The following HTATSF1 variants were observed in gnomAD, a reference collection of about 807,000 sequenced individuals.
HTATSF1 encodes the protein HIV-1 Tat specific factor 1.
HTATSF1 carries 6 observed loss-of-function variants against 46.1 expected under a neutral mutation model. That is an observed-to-expected ratio of 0.13 (90% CI 0.07 to 0.26). HTATSF1 has a LOEUF of 0.26. Among genes scored for constraint, HTATSF1 ranks in the 10% least tolerant of loss-of-function variants. The pLI, the probability that HTATSF1 is intolerant of heterozygous loss-of-function variation, is 1.00. For synonymous variants in HTATSF1, 226 were observed against 211.5 expected, an observed-to-expected ratio of 1.07 and a Z score of -0.60; for missense variants, 452 against 559.9, an observed-to-expected ratio of 0.81 and a Z score of 1.94.
Position 136,510,984 on chromosome X carries a change from T to C in HTATSF1, c.1239T>C (p.Ala413=). The C allele has an allele frequency of 8.3e-7, 1 of 1,211,379 alleles. No homozygotes were observed. Among genetic ancestry groups the C allele is most frequent in the Non-Finnish European group, 1.1e-6 (1 of 895,319 alleles). Residue 413 remains alanine (A), a synonymous_variant, in exon 9 of 9, where the codon GCT becomes GCC. Transcript: ENST00000218364. ...SEHPSTSKMN[A]QETATGMAFE... Reference sequence around the variant, plus strand: ...ACCCCAGCACATCTAAAATGAATGCTCAAGAAACTGCAACTGGAATGGCGT... The same window carrying C: ...ACCCCAGCACATCTAAAATGAATGCCCAAGAAACTGCAACTGGAATGGCGT...
chrX:136,505,593 T>TGC (rs939606817), intron 6 of HTATSF1, among the ~76,000 whole-genome samples: 24 of 112,273 alleles, frequency 2.1e-4, no homozygotes, highest in African/African-American at 7.8e-4. Context: ...TTTGAAATAC[T>TGC]GTTTTTGCCA....
chrX:136,512,093 G>T lies in HTATSF1; in HGVS notation c.*80G>T. On this transcript the variant is annotated 3_prime_UTR_variant, in exon 9 of 9. Coordinates refer to ENST00000218364, the MANE Select transcript of HTATSF1 (RefSeq NM_014500.5). Reference sequence around the variant, plus strand: ...AGGGTAATTACTAGTAGTGTTACATGAACATGTGCATAGTGGTAGGATGCC... The same window carrying T: ...AGGGTAATTACTAGTAGTGTTACATTAACATGTGCATAGTGGTAGGATGCC... 1.0e-6 allele frequency: 1 copy of T among 1,004,475 alleles called. No homozygotes were observed. The highest frequency in any genetic ancestry group is 2.3e-5 in the South Asian group (1 of 43,179). The allele number at this position is 1,004,475 out of a possible 1,213,427, so 82.8% of individuals were successfully genotyped here. A position where few individuals can be genotyped will look rare whatever the true frequency, so the allele number is the denominator to read the frequency against.
rs1773818405 is a variant in HTATSF1, at chrX:136,511,423, G to C, written c.1678G>C (p.Gly560Arg). The change falls in exon 9 of 9, where the codon GGC becomes CGC. Residue 560 changes from glycine to arginine, a missense_variant. Gly to Arg is a moderately radical substitution (Grantham distance 125). Coordinates refer to ENST00000218364, the MANE Select transcript of HTATSF1 (RefSeq NM_014500.5). ...CTGCTCTGAAAAACAGTCTGAAGAT[G>C]GCTCCGAAAGAGAATTTGAAGAAAA... ...EDCSEKQSED[G>R]SEREFEENGL... 8.3e-7 allele frequency: 1 copy of C among 1,209,317 alleles called. No individual in the cohort carries two copies. Among genetic ancestry groups the C allele is most frequent in the South Asian group, 1.8e-5 (1 of 56,616 alleles).
At position 136,512,058 on chromosome X, in the gene HTATSF1, C is replaced by G; in HGVS notation, c.*45C>G. 1 of 1,145,927 alleles carries G rather than the reference C, an allele frequency of 8.7e-7. No homozygotes were observed. Among genetic ancestry groups the G allele is most frequent in the Non-Finnish European group, 1.2e-6 (1 of 858,472 alleles). 94.4% of individuals were successfully genotyped at this position (1,145,927 alleles called of 1,213,427 possible). A position where few individuals can be genotyped will look rare whatever the true frequency, so the allele number is the denominator to read the frequency against. The stretch of plus-strand genomic sequence containing the variant: ...AGGGAGAGTCCTCCATCTACATTTG[C>G]CTGTGCTTCAGGGTAATTACTAGTA... On this transcript the variant is annotated 3_prime_UTR_variant, in exon 9 of 9. Transcript: ENST00000218364.
rs2075711490 is a variant in HTATSF1, at chrX:136,500,140, A to C, written c.368-18A>C. ...TTTTTGCAAGTGTTTTATTTATTTA[A>C]TTAATTTTGATTTCTAGGATGGTTT... On this transcript the variant is annotated intron_variant, in intron 2 of 8. Coordinates refer to ENST00000218364, the MANE Select transcript of HTATSF1 (RefSeq NM_014500.5). The C allele has an allele frequency of 1.3e-5, 13 of 983,282 alleles. No homozygotes were observed. The highest frequency in any genetic ancestry group is 1.9e-5 in the Non-Finnish European group (13 of 692,407). 81.0% of individuals were successfully genotyped at this position (983,282 alleles called of 1,213,427 possible). A position where few individuals can be genotyped will look rare whatever the true frequency, so the allele number is the denominator to read the frequency against.
chrX:136,510,560 A>G (rs894035283), intron 8 of HTATSF1, among the ~76,000 whole-genome samples: 1 of 112,432 alleles, frequency 8.9e-6, no homozygotes, highest in Admixed American at 9.4e-5. Context: ...GAGCTCAAAT[A>G]TTAACTTTTT....
chrX:136,500,262 T>C (rs1271181985), intron 3 of HTATSF1, 57 bp downstream of exon 3: 22 of 771,955 alleles, frequency 2.8e-5, no homozygotes, highest in Non-Finnish European at 4.3e-5. Flanking sequence ...TTGAGATTTT[T>C]CACGAAGTGA....
chrX:136,502,908 A>G lies in HTATSF1; in HGVS notation c.701A>G (p.Lys234Arg), dbSNP rs759865596. The G allele has an allele frequency of 2.6e-6, 3 of 1,134,047 alleles. No homozygotes were observed. In the African/African-American group the frequency reaches 5.5e-5, roughly 21 times the overall value. The allele number at this position is 1,134,047 out of a possible 1,213,427, so 93.5% of individuals were successfully genotyped here. A position where few individuals can be genotyped will look rare whatever the true frequency, so the allele number is the denominator to read the frequency against. ...YDASKKKKKC[K>R]DYKKKLSMQQ... ...GCCTCAAAGAAGAAGAAGAAGTGCA[A>G]AGACTATAAGAAGAAGCTGTCTATG... Residue 234 changes from lysine to arginine, a missense_variant, in exon 5 of 9, where the codon AAA (lysine) becomes AGA (arginine). This residue lies in a region of HTATSF1 where 117 missense variants were observed against 222.2 expected (regional missense o/e 0.53). Transcript: ENST00000218364.
chrX:136,511,364 A>G lies in HTATSF1; in HGVS notation c.1619A>G (p.Glu540Gly). Residue 540 changes from glutamate (E) to glycine (G), a missense_variant, in exon 9 of 9, where the codon GAA becomes GGA. Physicochemically the swap from Glu to Gly is moderately conservative, Grantham distance 98 (BLOSUM62 -2). Around this residue, in one of 3 missense-constraint regions of HTATSF1, gnomAD observed 246 missense variants for 245.3 expected, o/e 1.00. Transcript: ENST00000218364. ...EEEVGPTKES[E>G]EDDSEKESDE... ...GAGGTTGGCCCCACAAAAGAGTCCG[A>G]AGAAGATGACTCAGAGAAAGAGTCT... The G allele has an allele frequency of 8.3e-7, 1 of 1,209,819 alleles. No homozygotes were observed.
chrX:136,497,765 T>C lies in HTATSF1; in HGVS notation c.81T>C (p.Asp27=). 5 of 1,205,099 alleles carry C rather than the reference T, an allele frequency of 4.1e-6. No homozygotes were observed. Among genetic ancestry groups the C allele is most frequent in the Non-Finnish European group, 5.6e-6 (5 of 890,499 alleles). The change falls in exon 1 of 9, where the codon GAT becomes GAC. Residue 27 remains aspartate (D), a synonymous_variant. Coordinates refer to ENST00000218364, the MANE Select transcript of HTATSF1 (RefSeq NM_014500.5). ...RMQELYGDGK[D]GDTQTDAGGE... ...AAGAATTGTACGGAGACGGCAAGGA[T>C]GGTGACACCCAGACCGATGCCGGCG...
chrX:136,510,033 A>G (rs2075759949), intron 7 of HTATSF1, 49 bp from the exon 8 acceptor site: 1 of 1,135,644 alleles, frequency 8.8e-7, no homozygotes, highest in Non-Finnish European at 1.2e-6. Flanking sequence ...TATGTGTTTT[A>G]TTTTTAATCT....
Position 136,510,183 on chromosome X carries a change from C to T in HTATSF1, c.1026C>T (p.Ile342=). ...GAAGATGGTTTGGTGGCCGTCAAAT[C>T]ACTGCCCAGGCATGGGATGGGACTA... ...LDGRWFGGRQ[I]TAQAWDGTTD... Residue 342 remains isoleucine (I), a synonymous_variant, in exon 8 of 9, where the codon ATC becomes ATT. Coordinates refer to ENST00000218364, the MANE Select transcript of HTATSF1 (RefSeq NM_014500.5). 8.3e-7 allele frequency: 1 copy of T among 1,211,148 alleles called. No individual in the cohort carries two copies.
intron 6 of HTATSF1, among the ~76,000 whole-genome samples, chrX:136,507,248 C>T (rs2075746203): frequency 9.0e-6 from 1 of 111,674 alleles, no homozygotes; most frequent in Non-Finnish European, 1.9e-5. Context: ...ATTTTGATTC[C>T]AAACAGTTAG....
chrX:136,499,515 G>T, intron 1 of HTATSF1, 83 bp from the exon 2 acceptor site: 1 of 721,395 alleles, frequency 1.4e-6, no homozygotes, highest in African/African-American at 2.2e-5. Context: ...GTATAACTAT[G>T]CTGTAAAAAC....
At chrX:136,497,502 G>C (rs1311235480), upstream of HTATSF1, 1 of 270,297 alleles carries the variant, frequency 3.7e-6, no homozygotes, top group Non-Finnish European at 6.5e-6. Context: ...GGGCAGAGAG[G>C]GGGGCGGTGC....
chrX:136,499,400 A>AT (rs779774083), intron 1 of HTATSF1, among the ~76,000 whole-genome samples, 198 bp from the exon 2 acceptor site: 3 of 112,432 alleles, frequency 2.7e-5, no homozygotes, highest in South Asian at 7.3e-4. Context: ...CTTGTGTCTT[A>AT]TTTTTTATCA....
Position 136,511,700 on chromosome X carries a change from A to G in HTATSF1, c.1955A>G (p.Asp652Gly). Reference protein sequence around the residue: ...SDEKEDEEYADEKGLEAADKK... With the variant: ...SDEKEDEEYAGEKGLEAADKK... ...GAGAAAGAGGATGAAGAATATGCAG[A>G]TGAAAAGGGGCTTGAAGCTGCTGAT... The change falls in exon 9 of 9, where the codon GAT becomes GGT. Residue 652 changes from aspartate to glycine, a missense_variant. Transcript: ENST00000218364. 8.3e-7 allele frequency: 1 copy of G among 1,211,538 alleles called. No individual in the cohort carries two copies. Among genetic ancestry groups the G allele is most frequent in the Non-Finnish European group, 1.1e-6 (1 of 895,179 alleles).
chrX:136,498,174 T>C (rs925913368), intron 1 of HTATSF1, among the ~76,000 whole-genome samples: 1 of 112,736 alleles, frequency 8.9e-6, no homozygotes, highest in African/African-American at 3.2e-5. Flanking sequence ...AGAACAAATT[T>C]AGTAGCTGTC....
intron 6 of HTATSF1, among the ~76,000 whole-genome samples, chrX:136,507,934 T>A (rs1294735830): frequency 1.8e-5 from 2 of 112,067 alleles, no homozygotes. Context: ...TACTCCTTAT[T>A]CTTCTCAGGT....
Sources: allele counts gnomAD v4.1 joint callset (sites outside exome capture counted in the v4.1 genomes callset), GRCh38; gene constraint gnomAD v4.1.1; regional missense constraint gnomAD v4.1.1; transcripts MANE v1.5; gene names NCBI Gene and HGNC (gene_info 2026-07-23, HGNC 2026-07-21).